ZC3H6: variants seen among roughly 807,000 people sequenced by gnomAD.
ZC3H6 encodes the protein zinc finger CCCH domain-containing protein 6.
In ZC3H6, 40 loss-of-function variants were observed where a neutral mutation model predicts 107.7. That is an observed-to-expected ratio of 0.37 (90% CI 0.29 to 0.48). The LOEUF (loss-of-function observed/expected upper bound fraction) is 0.48. Among genes scored for constraint, ZC3H6 ranks in the 20% least tolerant of loss-of-function variants. The pLI is 0.98. For synonymous variants in ZC3H6, 493 were observed against 487.9 expected, an observed-to-expected ratio of 1.01 and a Z score of -0.14; for missense variants, 1,267 against 1,410.4, an observed-to-expected ratio of 0.90 and a Z score of 1.63.
chr2:112,317,264 GAA>G lies in ZC3H6; in HGVS notation c.911_912del (p.Lys304ArgfsTer22). 1 of 1,580,002 alleles carries G rather than the reference GAA, an allele frequency of 6.3e-7. No homozygotes were observed. The highest frequency in any genetic ancestry group is 8.6e-7 in the Non-Finnish European group (1 of 1,166,542). On this transcript the variant is annotated frameshift_variant, in exon 7 of 12. Transcript: ENST00000409871. LOFTEE classifies it high-confidence loss of function. ...GATCATGATGCAGAGTTGGAGAAAA[GAA>G]AAGAGATCTGCAAATTTTATTTACA...
At chr2:112,289,301 G>A (rs1352104219) in intron 1 of ZC3H6, among the ~76,000 whole-genome samples, 1 of 144,896 alleles carries the variant, frequency 6.9e-6, no homozygotes, top group African/African-American at 2.6e-5. Flanking sequence ...GCCAGGCCCT[G>A]AACACTTTTT....
At chr2:112,279,886 A>G (rs1211141565) in intron 1 of ZC3H6, among the ~76,000 whole-genome samples, 6 of 152,214 alleles carry the variant, frequency 3.9e-5, no homozygotes, top group Admixed American at 1.3e-4. Context: ...CCTACTTGCA[A>G]TATTATCTTC....
At chr2:112,300,923 A>G (rs189072854) in intron 2 of ZC3H6, among the ~76,000 whole-genome samples, 1 of 152,344 alleles carries the variant, frequency 6.6e-6, no homozygotes, top group East Asian at 1.9e-4. Context: ...AATCACATCA[A>G]TTAGGATAAC....
At chr2:112,319,448 C>T (rs986032892) in intron 7 of ZC3H6, among the ~76,000 whole-genome samples, 1 of 152,120 alleles carries the variant, frequency 6.6e-6, no homozygotes, top group African/African-American at 2.4e-5. Flanking sequence ...GAGTTCAAGA[C>T]CAACCTGGCC....
At chr2:112,293,934 G>T (rs10203843) in intron 1 of ZC3H6, among the ~76,000 whole-genome samples, 77,543 of 151,972 alleles carry the variant, frequency 0.51, 21,974 homozygotes, top group East Asian at 0.76. Context: ...GGGCACTCTG[G>T]CTGAGGAACA....
rs1174309997 is a variant in ZC3H6, at chr2:112,337,094, C to G, written c.*4606C>G. On this transcript the variant is annotated 3_prime_UTR_variant, in exon 12 of 12. Transcript: ENST00000409871. Reference sequence around the variant, plus strand: ...TCTTTTGGTAGACAGCCCACCTGCTCTTTTTTGTCCCCACCCTCAGCCCAA... The same window carrying G: ...TCTTTTGGTAGACAGCCCACCTGCTGTTTTTTGTCCCCACCCTCAGCCCAA... 2 of 152,122 alleles carry G rather than the reference C, an allele frequency of 1.3e-5. No homozygotes were observed. Among genetic ancestry groups the G allele is most frequent in the African/African-American group, 4.8e-5 (2 of 41,420 alleles). 9.4% of individuals were successfully genotyped at this position (152,122 alleles called of 1,614,324 possible).
intron 3 of ZC3H6, among the ~76,000 whole-genome samples, chr2:112,303,562 C>T (rs1676423411): frequency 1.3e-5 from 2 of 152,100 alleles, no homozygotes; most frequent in African/African-American, 4.8e-5. Flanking sequence ...GCCCCCAGCC[C>T]CTGAAAACCA....
At chr2:112,290,887 A>G (rs183979414) in intron 1 of ZC3H6, among the ~76,000 whole-genome samples, 145 of 152,318 alleles carry the variant, frequency 9.5e-4, no homozygotes, top group African/African-American at 3.4e-3. Context: ...TGTTGCATTG[A>G]TTGTATGGAC....
chr2:112,330,745 A>G (rs1467019012), intron 11 of ZC3H6, among the ~76,000 whole-genome samples: 1 of 152,124 alleles, frequency 6.6e-6, no homozygotes, highest in Non-Finnish European at 1.5e-5. Flanking sequence ...CACTTCCTTA[A>G]TAGAGTATAA....
rs887567409 is a variant in ZC3H6, at chr2:112,317,418, A to G, written c.976+86A>G. 5.7e-6 allele frequency: 4 copies of G among 703,452 alleles called. No individual in the cohort carries two copies. The Admixed American group carries it at 1.1e-4, about 20-fold the overall frequency. The allele number at this position is 703,452 out of a possible 1,614,324, so 43.6% of individuals were successfully genotyped here. A position where few individuals can be genotyped will look rare whatever the true frequency, so the allele number is the denominator to read the frequency against. On this transcript the variant is annotated intron_variant, in intron 7 of 11. Transcript: ENST00000409871. ...TTTTAAAAAATAATAAATACACCCT[A>G]TAAAGCCTAGTTTGGTTTTAAATTT...
Position 112,335,924 on chromosome 2 carries a change from T to C in ZC3H6, c.*3436T>C, listed in dbSNP as rs1677130509. On this transcript the variant is annotated 3_prime_UTR_variant, in exon 12 of 12. Coordinates refer to ENST00000409871, the MANE Select transcript of ZC3H6 (RefSeq NM_198581.3). Reference sequence around the variant, plus strand: ...ACATTCTATACAGGTTGGATATTGATGGAGGGTTAAAAATGCTATGACAGT... The same window carrying C: ...ACATTCTATACAGGTTGGATATTGACGGAGGGTTAAAAATGCTATGACAGT... The C allele has an allele frequency of 6.6e-6, 1 of 152,148 alleles. No homozygotes were observed. The highest frequency in any genetic ancestry group is 2.1e-4 in the South Asian group (1 of 4,826). The allele number at this position is 152,148 out of a possible 1,614,324, so 9.4% of individuals were successfully genotyped here.
intron 7 of ZC3H6, among the ~76,000 whole-genome samples, chr2:112,318,029 G>A (rs1478106810): frequency 3.9e-5 from 6 of 152,054 alleles, no homozygotes; most frequent in African/African-American, 1.4e-4. Flanking sequence ...CCTCATGTCT[G>A]TCTTGCTTTG....
chr2:112,283,121 A>T (rs1340079434), intron 1 of ZC3H6, among the ~76,000 whole-genome samples: 1 of 151,980 alleles, frequency 6.6e-6, no homozygotes, highest in African/African-American at 2.4e-5. Context: ...TTGACAGTTG[A>T]GCTTTCTGAG....
intron 1 of ZC3H6, among the ~76,000 whole-genome samples, chr2:112,276,431 A>G (rs1474442109): frequency 6.7e-6 from 1 of 149,268 alleles, no homozygotes. Context: ...TTGATATTTG[A>G]CTGCTTCCCG....
chr2:112,300,831 A>G (rs1005883870), intron 2 of ZC3H6, among the ~76,000 whole-genome samples: 19 of 152,080 alleles, frequency 1.2e-4, no homozygotes, highest in African/African-American at 4.6e-4. Context: ...AAGAAGGGGA[A>G]CCTATGCTGA....
chr2:112,289,306 C>T (rs1449645265), intron 1 of ZC3H6, among the ~76,000 whole-genome samples: 1 of 140,172 alleles, frequency 7.1e-6, no homozygotes, highest in Admixed American at 7.2e-5. Context: ...GCCCTGAACA[C>T]TTTTTTTTTC....
At chr2:112,293,377 C>A (rs1235978376) in intron 1 of ZC3H6, among the ~76,000 whole-genome samples, 5 of 152,068 alleles carry the variant, frequency 3.3e-5, no homozygotes, top group Non-Finnish European at 7.4e-5. Context: ...TTTCTGCAAA[C>A]TAAACAATTT....
chr2:112,307,408 A>T (rs7598168), intron 3 of ZC3H6, among the ~76,000 whole-genome samples: 76,659 of 151,992 alleles, frequency 0.5, 21,526 homozygotes, highest in East Asian at 0.76. Flanking sequence ...CCCTGCAGAC[A>T]TTCTAGCAGT....
chr2:112,321,769 C>T lies in ZC3H6; in HGVS notation c.990C>T (p.Cys330=). 6.6e-7 allele frequency: 1 copy of T among 1,505,778 alleles called. No individual in the cohort carries two copies. Among genetic ancestry groups the T allele is most frequent in the Non-Finnish European group, 8.9e-7 (1 of 1,123,372 alleles). The allele number at this position is 1,505,778 out of a possible 1,614,324, so 93.3% of individuals were successfully genotyped here. ...ATTTTTATTTACATGAATTTCCATGCAAGTTCTATCATAGTGGAGCAAAAT... is the reference window on the plus strand; with the variant it reads ...ATTTTTATTTACATGAATTTCCATGTAAGTTCTATCATAGTGGAGCAAAAT... The part of the protein sequence containing the change: ...NCIYMHNEFP[C]KFYHSGAKCY... The change falls in exon 8 of 12, where the codon TGC becomes TGT. Residue 330 remains cysteine (C), a synonymous_variant. Transcript: ENST00000409871.
Sources: allele counts gnomAD v4.1 joint callset (sites outside exome capture counted in the v4.1 genomes callset), GRCh38; gene constraint gnomAD v4.1.1; transcripts MANE v1.5; gene names NCBI Gene and HGNC (gene_info 2026-07-23, HGNC 2026-07-21).